Variants in CNTNAP4 observed in about 807,000 individuals in gnomAD.
The protein encoded by CNTNAP4 is contactin-associated protein-like 4.
In CNTNAP4, 98 loss-of-function variants were observed where a neutral mutation model predicts 148.4. That is an observed-to-expected ratio of 0.66 (90% CI 0.56 to 0.78). CNTNAP4 has a LOEUF of 0.78. Among genes scored for constraint, CNTNAP4 ranks in the 30% least tolerant of loss-of-function variants. CNTNAP4 has a pLI of 0.00. For synonymous variants in CNTNAP4, 730 were observed against 565.1 expected, an observed-to-expected ratio of 1.29 and a Z score of -4.14; for missense variants, 1,935 against 1,565.6, an observed-to-expected ratio of 1.24 and a Z score of -3.98.
intron 3 of CNTNAP4, among the ~76,000 whole-genome samples, chr16:76,412,970 C>T (rs2078849928): frequency 6.6e-6 from 1 of 151,352 alleles, no homozygotes; most frequent in Non-Finnish European, 1.5e-5. Context: ...AGGTAGTGAT[C>T]AATCCTTCTT....
At chr16:76,400,208 C>T (rs2078359732) in intron 3 of CNTNAP4, among the ~76,000 whole-genome samples, 2 of 152,062 alleles carry the variant, frequency 1.3e-5, no homozygotes, top group African/African-American at 4.8e-5. Flanking sequence ...TTAGATCTGA[C>T]CTTTGCAAGA....
At chr16:76,415,289 A>G (rs1400248434) in intron 3 of CNTNAP4, among the ~76,000 whole-genome samples, 1 of 151,230 alleles carries the variant, frequency 6.6e-6, no homozygotes, top group Non-Finnish European at 1.5e-5. Context: ...AACATATTTA[A>G]TATTGCATGA....
intron 3 of CNTNAP4, among the ~76,000 whole-genome samples, chr16:76,362,335 A>G (rs1251724971): frequency 2.6e-5 from 4 of 152,178 alleles, no homozygotes; most frequent in Non-Finnish European, 5.9e-5. Flanking sequence ...ACTCAAAGCA[A>G]TCTATAGATT....
intron 3 of CNTNAP4, among the ~76,000 whole-genome samples, chr16:76,367,842 T>C (rs1304647609): frequency 2.0e-5 from 3 of 152,136 alleles, no homozygotes; most frequent in Admixed American, 2.0e-4. Context: ...ATTACATTAG[T>C]GATGTAACTT....
chr16:76,417,704 CA>C (rs2079037808), intron 3 of CNTNAP4, among the ~76,000 whole-genome samples: 1 of 151,594 alleles, frequency 6.6e-6, no homozygotes, highest in Non-Finnish European at 1.5e-5. Context: ...CTTCCTTTCT[CA>C]ATGTAGATCC....
At chr16:76,482,751 C>T (rs890075686) in intron 12 of CNTNAP4, among the ~76,000 whole-genome samples, 2 of 152,204 alleles carry the variant, frequency 1.3e-5, no homozygotes, top group African/African-American at 4.8e-5. Context: ...GCTCTCCCGC[C>T]TGTGCAGTAC....
chr16:76,509,175 A>G (rs73626786), intron 15 of CNTNAP4, among the ~76,000 whole-genome samples: 4,563 of 97,596 alleles, frequency 0.047, 827 homozygotes, highest in African/African-American at 0.11. Flanking sequence ...GTTGGTAGAT[A>G]TCTCTAGTGC....
In CNTNAP4 at chr16:76,489,735, C is replaced by T. The variant is rs766597788; in HGVS notation, c.1932C>T (p.Val644=). The T allele has an allele frequency of 3.1e-6, 5 of 1,604,916 alleles. No homozygotes were observed. Among genetic ancestry groups the T allele is most frequent in the Admixed American group, 1.7e-5 (1 of 59,022 alleles). ...IQHNGSDLTR[V]RNTNPENPYA... ...ACAACGGCTCTGACTTAACAAGAGT[C>T]AGAAATACTAATCCAGAGAACCCAT... Residue 644 remains valine (V), a synonymous_variant, in exon 13 of 24, where the codon GTC becomes GTT. Coordinates refer to ENST00000611870, the MANE Select transcript of CNTNAP4 (RefSeq NM_033401.5).
intron 9 of CNTNAP4, among the ~76,000 whole-genome samples, chr16:76,465,178 C>A (rs1819505940): frequency 6.6e-6 from 1 of 152,210 alleles, no homozygotes; most frequent in East Asian, 1.9e-4. Flanking sequence ...ATGCTGACTG[C>A]CTCCAGTAAT....
intron 17 of CNTNAP4, among the ~76,000 whole-genome samples, chr16:76,527,866 A>C (rs2144171331): frequency 6.6e-6 from 1 of 152,298 alleles, no homozygotes; most frequent in African/African-American, 2.4e-5. Context: ...AATAAAATTT[A>C]TCTTAAAAAT....
chr16:76,394,071 G>A (rs372766078), intron 3 of CNTNAP4, among the ~76,000 whole-genome samples: 21 of 152,166 alleles, frequency 1.4e-4, no homozygotes, highest in African/African-American at 5.1e-4. Flanking sequence ...GAAAAGTTAT[G>A]CCTACTTATT....
chr16:76,428,544 A>C (rs2079498645), intron 4 of CNTNAP4, among the ~76,000 whole-genome samples: 2 of 152,116 alleles, frequency 1.3e-5, no homozygotes, highest in South Asian at 4.1e-4. Flanking sequence ...AAAGAAAAGC[A>C]GGTGATAAAG....
intron 2 of CNTNAP4, among the ~76,000 whole-genome samples, chr16:76,334,678 G>A (rs1439468359): frequency 1.3e-5 from 2 of 151,830 alleles, no homozygotes; most frequent in Admixed American, 1.3e-4. Flanking sequence ...GTTATCCTTT[G>A]GGAAAAAGTA....
Position 76,473,886 on chromosome 16 carries a change from A to T in CNTNAP4, c.1656-2053A>T, listed in dbSNP as rs1324202446. ...GTTTTGTTTTGTTTTTTAATCTGGG[A>T]TGAATGAGGGCACTTAAAACCTTTG... On this transcript the variant is annotated intron_variant, in intron 10 of 23. Transcript: ENST00000611870. Among the ~76,000 whole-genome samples, 6 of 149,168 alleles carry T rather than the reference A, an allele frequency of 4.0e-5. No homozygotes were observed. In the East Asian group the frequency reaches 1.2e-3, roughly 29 times the overall value.
At chr16:76,556,012 C>A (rs2085182496) in intron 23 of CNTNAP4, among the ~76,000 whole-genome samples, 1 of 152,144 alleles carries the variant, frequency 6.6e-6, no homozygotes, top group Non-Finnish European at 1.5e-5. Context: ...GTGGTAGAAT[C>A]CTTTGTTCAT....
At chr16:76,530,550 AGACTC>A (rs2083932236) in intron 17 of CNTNAP4, among the ~76,000 whole-genome samples, 1 of 152,138 alleles carries the variant, frequency 6.6e-6, no homozygotes, top group African/African-American at 2.4e-5. Context: ...GTCAAACTAG[AGACTC>A]GCTCTGGCTT....
intron 2 of CNTNAP4, among the ~76,000 whole-genome samples, chr16:76,325,289 G>A (rs1720725484): frequency 6.6e-6 from 1 of 152,098 alleles, no homozygotes; most frequent in African/African-American, 2.4e-5. Flanking sequence ...TATACTGTGT[G>A]TAATGTATAT....
intron 15 of CNTNAP4, among the ~76,000 whole-genome samples, chr16:76,519,849 C>A (rs2144088785): frequency 6.6e-6 from 1 of 152,300 alleles, no homozygotes; most frequent in South Asian, 2.1e-4. Context: ...ACTTTTGAAT[C>A]AGATCCACCA....
chr16:76,294,602 T>G (rs972182217), intron 1 of CNTNAP4, among the ~76,000 whole-genome samples: 1 of 152,246 alleles, frequency 6.6e-6, no homozygotes, highest in African/African-American at 2.4e-5. Context: ...AAAATATTTT[T>G]TACATTCCTT....
Sources: gnomAD v4.1 joint callset for allele counts (sites outside exome capture counted in the v4.1 genomes callset) on GRCh38, gnomAD v4.1.1 for gene constraint, MANE v1.5 for transcripts, NCBI Gene and HGNC (gene_info 2026-07-23, HGNC 2026-07-21) for gene names.